The following SLC9A2 variants were observed in gnomAD, a reference collection of about 807,000 sequenced individuals.
SLC9A2 encodes the protein sodium/hydrogen exchanger 2.
In SLC9A2, 42 loss-of-function variants were observed where a neutral mutation model predicts 71.7. That is an observed-to-expected ratio of 0.59 (90% CI 0.46 to 0.76). The LOEUF is 0.76. Ranked by LOEUF, SLC9A2 falls within the 30% of genes least tolerant of loss-of-function variation. The probability of loss-of-function intolerance (pLI) is 0.00; values close to 1 mark genes in which losing one functional copy is unlikely to be tolerated. For synonymous variants in SLC9A2, 396 were observed against 392.5 expected, an observed-to-expected ratio of 1.01 and a Z score of -0.10; for missense variants, 829 against 1,017.4, an observed-to-expected ratio of 0.81 and a Z score of 2.52.
chr2:102,660,881 T>A (rs577913839), intron 2 of SLC9A2, among the ~76,000 whole-genome samples: 18 of 152,286 alleles, frequency 1.2e-4, no homozygotes, highest in Admixed American at 9.2e-4. Flanking sequence ...TCGGAGAAAA[T>A]TCATTGTCAC....
chr2:102,664,840 G>A (rs1677103935), intron 2 of SLC9A2, among the ~76,000 whole-genome samples: 1 of 152,150 alleles, frequency 6.6e-6, no homozygotes, highest in South Asian at 2.1e-4. Flanking sequence ...AATAAGTTAT[G>A]CAATAACTTT....
At chr2:102,653,810 TG>T (rs1236226801) in intron 1 of SLC9A2, among the ~76,000 whole-genome samples, 2 of 152,220 alleles carry the variant, frequency 1.3e-5, no homozygotes, top group African/African-American at 4.8e-5. Context: ...ATGGATCCTA[TG>T]GCTTCTGTGC....
chr2:102,647,078 C>A (rs528196413), intron 1 of SLC9A2, among the ~76,000 whole-genome samples: 126 of 152,184 alleles, frequency 8.3e-4, no homozygotes, highest in African/African-American at 2.8e-3. Context: ...CACTCCTCAG[C>A]AAATGCAAAA....
At chr2:102,706,782 A>T (rs1677988253) in intron 11 of SLC9A2, among the ~76,000 whole-genome samples, 1 of 152,208 alleles carries the variant, frequency 6.6e-6, no homozygotes, top group East Asian at 1.9e-4. Context: ...TAAGTAATTA[A>T]ATTTTTACAG....
intron 10 of SLC9A2, among the ~76,000 whole-genome samples, chr2:102,705,425 T>A (rs1053094981): frequency 6.6e-6 from 1 of 152,066 alleles, no homozygotes; most frequent in Non-Finnish European, 1.5e-5. Flanking sequence ...GCTGTAGTAA[T>A]ACTTTTTGTT....
chr2:102,625,553 G>A (rs963326641), intron 1 of SLC9A2, among the ~76,000 whole-genome samples: 5 of 147,894 alleles, frequency 3.4e-5, no homozygotes, highest in South Asian at 4.2e-4. Context: ...TCCCACCTAT[G>A]AGTGAGAACA....
rs922943951 is a variant in SLC9A2 at position 102,620,076 on chromosome 2, C to G, written c.228C>G (p.Pro76=). The G allele has an allele frequency of 2.5e-6, 4 of 1,613,850 alleles. No individual in the cohort carries two copies. Among genetic ancestry groups the G allele is most frequent in the Non-Finnish European group, 2.5e-6 (3 of 1,179,956 alleles). ...TGCCTGTGTTTACGCTGGATTACCC[C>G]CACGTGCAGATCCCCTTCGAGATCA... ...SRLPVFTLDY[P]HVQIPFEITL... Residue 76 remains proline (P), a synonymous_variant, in exon 1 of 12, where the codon CCC becomes CCG. Coordinates refer to ENST00000233969, the MANE Select transcript of SLC9A2 (RefSeq NM_003048.6).
intron 3 of SLC9A2, among the ~76,000 whole-genome samples, chr2:102,678,218 CT>C (rs1216457649): frequency 6.6e-6 from 1 of 152,056 alleles, no homozygotes; most frequent in Non-Finnish European, 1.5e-5. Context: ...GTCTTACTTG[CT>C]TTCATCTTCC....
In SLC9A2 at chr2:102,690,146, T is replaced by C. The variant is rs192700217; in HGVS notation, c.1426-4268T>C. Among the ~76,000 whole-genome samples, 438 of 151,882 alleles carry C rather than the reference T, an allele frequency of 2.9e-3. 3 individuals carry two copies. Among genetic ancestry groups the C allele is most frequent in the African/African-American group, 0.01 (419 of 41,378 alleles). ...GCAATATTTAGAAATCAAGAAAAGG[T>C]TGAGGAATCAGCCCAGGAGGCCGGA... On this transcript the variant is annotated intron_variant, in intron 5 of 11. Coordinates refer to ENST00000233969, the MANE Select transcript of SLC9A2 (RefSeq NM_003048.6).
Position 102,657,774 on chromosome 2 carries a change from G to T in SLC9A2, c.500G>T (p.Gly167Val). 6.2e-7 allele frequency: 1 copy of T among 1,614,176 alleles called. No individual in the cohort carries two copies. The highest frequency in any genetic ancestry group is 8.5e-7 in the Non-Finnish European group (1 of 1,180,024). The change falls in exon 2 of 12, where the codon GGC (glycine) becomes GTC (valine). Residue 167 changes from glycine to valine, a missense_variant. Gly to Val is a moderately radical substitution (Grantham distance 109, BLOSUM62 -3). This residue lies in a region of SLC9A2 where 500 missense variants were observed against 726.3 expected (regional missense o/e 0.69). Coordinates refer to ENST00000233969, the MANE Select transcript of SLC9A2 (RefSeq NM_003048.6). Reference sequence around the variant, plus strand: ...ACTCGCCCATTCTTTGAGAACATTGGCACGATTTTCTGGTATGCTGTGGTA... The same window carrying T: ...ACTCGCCCATTCTTTGAGAACATTGTCACGATTTTCTGGTATGCTGTGGTA... ...MPTRPFFENI[G>V]TIFWYAVVGT...
At chr2:102,667,003 T>A (rs1188377358) in intron 3 of SLC9A2, among the ~76,000 whole-genome samples, 1 of 152,208 alleles carries the variant, frequency 6.6e-6, no homozygotes, top group Non-Finnish European at 1.5e-5. Context: ...TATCAGCACG[T>A]CTGTATCAGA....
intron 1 of SLC9A2, among the ~76,000 whole-genome samples, chr2:102,637,718 G>A (rs968829080): frequency 5.3e-5 from 8 of 152,178 alleles, no homozygotes; most frequent in Non-Finnish European, 8.8e-5. Flanking sequence ...CCCCAGCTGG[G>A]ACAGGGAGGC....
Position 102,620,192 on chromosome 2 carries a change from G to A in SLC9A2, c.289+55G>A. 2.7e-6 allele frequency: 4 copies of A among 1,499,656 alleles called. No individual in the cohort carries two copies. The South Asian group carries it at 3.8e-5, about 14-fold the overall frequency. The allele number at this position is 1,499,656 out of a possible 1,614,324, so 92.9% of individuals were successfully genotyped here. ...AGGGGGCGATCTCGGGGGGACACCT[G>A]GAGGGTGACCGGGTCAGCCAGCTGA... On this transcript the variant is annotated intron_variant, in intron 1 of 11. Coordinates refer to ENST00000233969, the MANE Select transcript of SLC9A2 (RefSeq NM_003048.6).
intron 1 of SLC9A2, among the ~76,000 whole-genome samples, chr2:102,645,038 A>T (rs1270237241): frequency 6.6e-6 from 1 of 152,292 alleles, no homozygotes; most frequent in African/African-American, 2.4e-5. Flanking sequence ...CAGACACCTC[A>T]TACAGGGGAG....
intron 8 of SLC9A2, 138 bp downstream of exon 8, chr2:102,701,369 G>T: frequency 1.6e-6 from 1 of 628,108 alleles, no homozygotes; most frequent in Non-Finnish European, 2.6e-6. Flanking sequence ...TGGGATTACA[G>T]GCATGAGCCA....
At chr2:102,694,234 T>G (rs1420231974) in intron 5 of SLC9A2, among the ~76,000 whole-genome samples, 180 bp from the exon 6 acceptor site, 1 of 152,176 alleles carries the variant, frequency 6.6e-6, no homozygotes, top group African/African-American at 2.4e-5. Flanking sequence ...AAAAGTTACA[T>G]TTACTGTGTT....
At chr2:102,705,808 T>G in intron 10 of SLC9A2, 38 bp from the exon 11 acceptor site, 1 of 1,256,558 alleles carries the variant, frequency 8.0e-7, no homozygotes, top group Non-Finnish European at 1.1e-6. Flanking sequence ...TAAGTGCCAT[T>G]TGTATAGTTT....
In SLC9A2 at chr2:102,710,525, A is replaced by G. The variant is rs150942924; in HGVS notation, c.*2036A>G. On this transcript the variant is annotated 3_prime_UTR_variant, in exon 12 of 12. Coordinates refer to ENST00000233969, the MANE Select transcript of SLC9A2 (RefSeq NM_003048.6). ...TTGCTTCTTGTTAAGCAGGTAGACC[A>G]AATTCCGCTTTCAGTAATTCATCCA... 3 of 152,400 alleles carry G rather than the reference A, an allele frequency of 2.0e-5. No homozygotes were observed. The East Asian group carries it at 5.7e-4, about 29-fold the overall frequency. The allele number at this position is 152,400 out of a possible 1,614,324, so 9.4% of individuals were successfully genotyped here.
intron 10 of SLC9A2, 126 bp downstream of exon 10, chr2:102,704,801 G>A: frequency 9.7e-7 from 1 of 1,034,454 alleles, no homozygotes; most frequent in Non-Finnish European, 1.4e-6. Flanking sequence ...GGAGCTGCAG[G>A]AAGGCTGGGG....
Sources: allele counts gnomAD v4.1 joint callset (sites outside exome capture counted in the v4.1 genomes callset), GRCh38; gene constraint gnomAD v4.1.1; regional missense constraint gnomAD v4.1.1; transcripts MANE v1.5; gene names NCBI Gene and HGNC (gene_info 2026-07-23, HGNC 2026-07-21).